EPN2: variants seen among roughly 807,000 people sequenced by gnomAD.
The protein encoded by EPN2 is epsin-2.
EPN2 carries 34 observed loss-of-function variants against 61.7 expected under a neutral mutation model. The ratio of observed to expected loss-of-function variants is 0.55; its 90% CI spans 0.42 to 0.73. The LOEUF is 0.73. Ranked by LOEUF, EPN2 falls within the 30% of genes least tolerant of loss-of-function variation. The pLI is 0.00. For synonymous variants in EPN2, 349 were observed against 353.6 expected (o/e 0.99, Z 0.15); for missense variants, 714 against 839.2 (o/e 0.85, Z 1.84).
chr17:19,290,278 A>C (rs1304891340), intron 4 of EPN2, among the ~76,000 whole-genome samples: 2 of 152,182 alleles, frequency 1.3e-5, no homozygotes, highest in Non-Finnish European at 2.9e-5. Flanking sequence ...GGGGGTGAGC[A>C]GCCCACATGT....
In EPN2 at chr17:19,333,948, C is replaced by T. The variant is rs548981300; in HGVS notation, c.1628-8C>T. ...GCTCAGCCTCTGCCCCTCCTTCTGT[C>T]TCCCCAGGTGCTCCCGCCACCTCGG... On this transcript the variant is annotated splice_polypyrimidine_tract_variant and splice_region_variant and intron_variant, in intron 10 of 10. Transcript: ENST00000314728. The T allele has an allele frequency of 3.9e-6, 6 of 1,522,638 alleles. No homozygotes were observed. In the East Asian group the frequency reaches 1.4e-4, roughly 35 times the overall value. The allele number at this position is 1,522,638 out of a possible 1,614,324, so 94.3% of individuals were successfully genotyped here.
intron 7 of EPN2, among the ~76,000 whole-genome samples, chr17:19,317,938 AGT>A (rs992916185): frequency 6.6e-6 from 1 of 152,162 alleles, no homozygotes; most frequent in African/African-American, 2.4e-5. Flanking sequence ...AAGGTGCCAC[AGT>A]GTGTGACCTT....
intron 7 of EPN2, among the ~76,000 whole-genome samples, chr17:19,319,064 G>A (rs950250561): frequency 2.6e-5 from 4 of 151,872 alleles, no homozygotes; most frequent in African/African-American, 7.2e-5. Flanking sequence ...CAGGTGTGGT[G>A]GTGTGTGCCT....
Position 19,332,005 on chromosome 17 carries a change from C to G in EPN2, c.1564C>G (p.Leu522Val). ...FLGPNAALVNLDSLVTRPAPP... is the reference protein window; with the variant it reads ...FLGPNAALVNVDSLVTRPAPP... The stretch of plus-strand genomic sequence containing the variant: ...GGGCCCCAACGCGGCCCTGGTGAAC[C>G]TGGACTCACTGGTGACCAGGCCTGC... The change falls in exon 10 of 11, where the codon CTG becomes GTG. Residue 522 changes from leucine to valine, a missense_variant. Physicochemically the swap from Leu to Val is conservative, Grantham distance 32. Transcript: ENST00000314728. 6.2e-7 allele frequency: 1 copy of G among 1,613,936 alleles called. No individual in the cohort carries two copies. The highest frequency in any genetic ancestry group is 2.2e-5 in the East Asian group (1 of 44,882).
chr17:19,264,049 G>A (rs1034781304), intron 1 of EPN2, among the ~76,000 whole-genome samples: 4 of 152,152 alleles, frequency 2.6e-5, no homozygotes, highest in East Asian at 1.9e-4. Flanking sequence ...ATCTGCACAC[G>A]CACCCAGTTG....
chr17:19,291,198 G>A (rs2045460918), intron 4 of EPN2, among the ~76,000 whole-genome samples: 1 of 152,200 alleles, frequency 6.6e-6, no homozygotes, highest in Non-Finnish European at 1.5e-5. Flanking sequence ...TCCAAATTTG[G>A]TTTGATACTG....
chr17:19,282,980 C>G lies in EPN2; in HGVS notation c.-140C>G, dbSNP rs555904094. On this transcript the variant is annotated 5_prime_UTR_variant, in exon 3 of 11. Coordinates refer to ENST00000314728, the MANE Select transcript of EPN2 (RefSeq NM_014964.5). ...GGCTTCCAGCTTTTCGAATCTGAGGCTCCAAAGGAGGAAATGACCATTCAG... is the reference window on the plus strand; with the variant it reads ...GGCTTCCAGCTTTTCGAATCTGAGGGTCCAAAGGAGGAAATGACCATTCAG... 3 of 641,160 alleles carry G rather than the reference C, an allele frequency of 4.7e-6. No homozygotes were observed. In the African/African-American group the frequency reaches 5.5e-5, roughly 12 times the overall value. The allele number at this position is 641,160 out of a possible 1,614,324, so 39.7% of individuals were successfully genotyped here.
At chr17:19,314,044 T>G (rs531912505) in intron 7 of EPN2, among the ~76,000 whole-genome samples, 1 of 152,288 alleles carries the variant, frequency 6.6e-6, no homozygotes, top group East Asian at 1.9e-4. Context: ...CTTGCCTGTA[T>G]CTCCTGGAGT....
chr17:19,250,724 T>G (rs1036140371), intron 1 of EPN2, among the ~76,000 whole-genome samples: 4 of 152,156 alleles, frequency 2.6e-5, no homozygotes, highest in African/African-American at 9.7e-5. Context: ...TTCCCCTGGT[T>G]GTCTGGTCCC....
At chr17:19,287,783 C>T (rs1402292731) in intron 4 of EPN2, among the ~76,000 whole-genome samples, 2 of 152,206 alleles carry the variant, frequency 1.3e-5, no homozygotes, top group African/African-American at 2.4e-5. Flanking sequence ...AGAGCAGCCA[C>T]AGCCGGGAAG....
At chr17:19,296,481 T>C (rs2045521448) in intron 4 of EPN2, 3 of 151,992 alleles carry the variant, frequency 2.0e-5, no homozygotes, top group Admixed American at 6.5e-5. Flanking sequence ...AATGTAATAA[T>C]GTATGTCCAT....
chr17:19,270,738 A>G (rs1316362344), intron 1 of EPN2, among the ~76,000 whole-genome samples: 1 of 152,156 alleles, frequency 6.6e-6, no homozygotes, highest in African/African-American at 2.4e-5. Flanking sequence ...CGGAGTGAGA[A>G]CTACATATTT....
intron 4 of EPN2, among the ~76,000 whole-genome samples, chr17:19,286,824 C>T (rs892335539): frequency 2.6e-5 from 4 of 152,086 alleles, no homozygotes; most frequent in Non-Finnish European, 5.9e-5. Context: ...CATTAGAAAA[C>T]GTAAGGAAGG....
At position 19,264,256 on chromosome 17, in the gene EPN2, T is replaced by C. The variant is rs191043207; in HGVS notation, c.-293-17699T>C. Among the ~76,000 whole-genome samples, 4 of 152,310 alleles carry C rather than the reference T, an allele frequency of 2.6e-5. No individual in the cohort carries two copies. The East Asian group carries it at 7.7e-4, about 29-fold the overall frequency. ...CTAATCTTTTAGGAATTATAAAAAT[T>C]ATATGGTTTGCGAACTCCAGTTTGT... On this transcript the variant is annotated intron_variant, in intron 1 of 10. Transcript: ENST00000314728.
chr17:19,312,059 G>A lies in EPN2; in HGVS notation c.887G>A (p.Arg296His), dbSNP rs951398293. 1 of 1,612,510 alleles carries A rather than the reference G, an allele frequency of 6.2e-7. No individual in the cohort carries two copies. The highest frequency in any genetic ancestry group is 8.5e-7 in the Non-Finnish European group (1 of 1,178,462). Residue 296 changes from arginine to histidine, a missense_variant, in exon 6 of 11, where the codon CGC becomes CAC. Physicochemically the swap from Arg to His is conservative, Grantham distance 29. Coordinates refer to ENST00000314728, the MANE Select transcript of EPN2 (RefSeq NM_014964.5). ...TGCATTGTCCCTCTACAGGAAGAACGCCTCAGGCGGGGTGATGACCTCAGA... is the reference window on the plus strand; with the variant it reads ...TGCATTGTCCCTCTACAGGAAGAACACCTCAGGCGGGGTGATGACCTCAGA... ...MSREVAEQEERLRRGDDLRLQ... is the reference protein window; with the variant it reads ...MSREVAEQEEHLRRGDDLRLQ...
At chr17:19,288,665 G>T (rs71369412) in intron 4 of EPN2, among the ~76,000 whole-genome samples, 2 of 152,212 alleles carry the variant, frequency 1.3e-5, no homozygotes, top group Non-Finnish European at 2.9e-5. Context: ...GAGCGTGGCA[G>T]AGGTGGGCCT....
At chr17:19,276,782 T>TG (rs1225728565) in intron 1 of EPN2, among the ~76,000 whole-genome samples, 1 of 150,276 alleles carries the variant, frequency 6.7e-6, no homozygotes, top group Non-Finnish European at 1.5e-5. Flanking sequence ...AGTTTTTTTT[T>TG]TTTTTTTTTG....
At chr17:19,279,487 G>A (rs906239409) in intron 1 of EPN2, among the ~76,000 whole-genome samples, 4 of 151,476 alleles carry the variant, frequency 2.6e-5, no homozygotes, top group African/African-American at 9.7e-5. Flanking sequence ...CACCCAGGCT[G>A]GAGTGCAGTG....
chr17:19,251,449 C>T (rs1289123757), intron 1 of EPN2, among the ~76,000 whole-genome samples: 1 of 152,008 alleles, frequency 6.6e-6, no homozygotes, highest in African/African-American at 2.4e-5. Flanking sequence ...ATCGCCTGGA[C>T]CCCCAGCTTG....
Sources: allele counts gnomAD v4.1 joint callset (sites outside exome capture counted in the v4.1 genomes callset), GRCh38; gene constraint gnomAD v4.1.1; transcripts MANE v1.5; gene names NCBI Gene and HGNC (gene_info 2026-07-23, HGNC 2026-07-21).